The following SMAD3 variants were observed in gnomAD, a reference collection of about 807,000 sequenced individuals.
SMAD3 encodes the protein MAD homolog 3.
Under a neutral mutation model 51.8 loss-of-function variants are expected in SMAD3, and 12 were observed. The observed-to-expected ratio is 0.23, with a 90% CI of 0.15 to 0.38. SMAD3 has a LOEUF of 0.38. Among genes scored for constraint, SMAD3 ranks in the 10% least tolerant of loss-of-function variants. The pLI is 1.00. For synonymous variants in SMAD3, 238 were observed against 227.7 expected (o/e 1.05, Z -0.41); for missense variants, 294 against 565.6 (o/e 0.52, Z 4.87).
intron 1 of SMAD3, among the ~76,000 whole-genome samples, chr15:67,145,248 C>G (rs1027396969): frequency 1.5e-4 from 23 of 152,160 alleles, no homozygotes; most frequent in Admixed American, 1.0e-3. Context: ...GCTCAGCAAG[C>G]AGGAGTGACT....
intron 1 of SMAD3, among the ~76,000 whole-genome samples, chr15:67,148,015 G>A (rs575396749): frequency 6.6e-6 from 1 of 152,180 alleles, no homozygotes; most frequent in African/African-American, 2.4e-5. Flanking sequence ...ATTTTTGTTG[G>A]TAGTCCACAT....
At chr15:67,134,970 C>G (rs1234738720) in intron 1 of SMAD3, among the ~76,000 whole-genome samples, 1 of 152,146 alleles carries the variant, frequency 6.6e-6, no homozygotes, top group Non-Finnish European at 1.5e-5. Context: ...AGCTGGCTGC[C>G]CTTCAGCCCC....
At chr15:67,076,563 TGACC>T (rs1960174412) in intron 1 of SMAD3, among the ~76,000 whole-genome samples, 1 of 152,172 alleles carries the variant, frequency 6.6e-6, no homozygotes, top group Non-Finnish European at 1.5e-5. Context: ...GGCTCTGAAA[TGACC>T]CAGACGTGGT....
At chr15:67,094,806 G>A (rs909288632) in intron 1 of SMAD3, among the ~76,000 whole-genome samples, 21 of 91,382 alleles carry the variant, frequency 2.3e-4, no homozygotes, top group African/African-American at 9.6e-4. Flanking sequence ...GTTCCAGAGC[G>A]TTTGGAGTCA....
rs535174215 is a variant in SMAD3 at position 67,124,618 on chromosome 15, A to G, written c.207-40277A>G. 2.0e-5 allele frequency among the ~76,000 whole-genome samples: 3 copies of G among 152,376 alleles called. No homozygotes were observed. In the South Asian group the frequency reaches 6.2e-4, roughly 32 times the overall value. ...GCAGAATGCCTCATTACCACGTCACACAGCTGACCAAGGCCTCATCTGAGA... is the reference window on the plus strand; with the variant it reads ...GCAGAATGCCTCATTACCACGTCACGCAGCTGACCAAGGCCTCATCTGAGA... On this transcript the variant is annotated intron_variant, in intron 1 of 8. Transcript: ENST00000327367.
intron 1 of SMAD3, among the ~76,000 whole-genome samples, chr15:67,154,018 T>C (rs931698541): frequency 6.6e-6 from 1 of 152,176 alleles, no homozygotes; most frequent in African/African-American, 2.4e-5. Flanking sequence ...AGGCAAGGTG[T>C]TTCTTGGCTT....
At chr15:67,112,553 G>A (rs911849058) in intron 1 of SMAD3, among the ~76,000 whole-genome samples, 2 of 133,548 alleles carry the variant, frequency 1.5e-5, no homozygotes, top group Non-Finnish European at 3.1e-5. Context: ...TACATGGTTT[G>A]CAAATATTTT....
rs996234379 is a variant in SMAD3 at position 67,094,253 on chromosome 15, C to T, written c.206+27893C>T. On this transcript the variant is annotated intron_variant, in intron 1 of 8. Coordinates refer to ENST00000327367, the MANE Select transcript of SMAD3 (RefSeq NM_005902.4). ...GTTCCCCTACGCTTAGGGCTGTGAC[C>T]AGAAGTGGCATCAAGATGGGAGGCG... 3.3e-5 allele frequency among the ~76,000 whole-genome samples: 5 copies of T among 152,156 alleles called. No homozygotes were observed. In the East Asian group the frequency reaches 9.6e-4, roughly 29 times the overall value.
intron 7 of SMAD3, 146 bp from the exon 8 acceptor site, chr15:67,187,219 G>A (rs1396161656): frequency 3.2e-6 from 3 of 928,018 alleles, no homozygotes; most frequent in African/African-American, 3.2e-5. Context: ...AGTGTGGAGT[G>A]TGTGGCAAAT....
Position 67,194,193 on chromosome 15 carries a change from C to T in SMAD3, c.*3657C>T, listed in dbSNP as rs550493563. 34 of 233,462 alleles carry T rather than the reference C, an allele frequency of 1.5e-4. No homozygotes were observed. The South Asian group carries it at 4.9e-3, about 34-fold the overall frequency. 14.5% of individuals were successfully genotyped at this position (233,462 alleles called of 1,614,324 possible). A position where few individuals can be genotyped will look rare whatever the true frequency, so the allele number is the denominator to read the frequency against. On this transcript the variant is annotated 3_prime_UTR_variant, in exon 9 of 9. Transcript: ENST00000327367. ...TTACCAGAACCAAACCTCAACACAG[C>T]GAAGCTGTACTGTCTTTGTGTGGCA...
intron 1 of SMAD3, chr15:67,142,639 G>T: frequency 3.6e-6 from 1 of 279,092 alleles, no homozygotes; most frequent in South Asian, 3.0e-5. Flanking sequence ...TGGACATCTG[G>T]TTTGTTTTGG....
At position 67,164,907 on chromosome 15, in the gene SMAD3, C is replaced by A. The variant is rs868489900; in HGVS notation, c.219C>A (p.Gly73=). The A allele has an allele frequency of 3.1e-6, 5 of 1,612,992 alleles. No individual in the cohort carries two copies. In the South Asian group the frequency reaches 4.4e-5, roughly 14 times the overall value. ...CCCGTCCTGGCAGGTCCCTGGATGG[C>A]CGGTTGCAGGTGTCCCATCGGAAGG... The part of the protein sequence containing the change: ...KCITIPRSLD[G]RLQVSHRKGL... The change falls in exon 2 of 9, where the codon GGC becomes GGA. Residue 73 remains glycine (G), a synonymous_variant. Coordinates refer to ENST00000327367, the MANE Select transcript of SMAD3 (RefSeq NM_005902.4).
At chr15:67,150,353 C>T (rs540116066) in intron 1 of SMAD3, among the ~76,000 whole-genome samples, 1 of 152,300 alleles carries the variant, frequency 6.6e-6, no homozygotes, top group African/African-American at 2.4e-5. Flanking sequence ...CAGGAATGCC[C>T]GCCTGACATT....
At chr15:67,183,785 GT>G (rs1963147211) in intron 6 of SMAD3, among the ~76,000 whole-genome samples, 1 of 152,150 alleles carries the variant, frequency 6.6e-6, no homozygotes, top group South Asian at 2.1e-4. Context: ...AATAATTTCT[GT>G]CCATCTGGAG....
chr15:67,140,746 G>A (rs1961796578), intron 1 of SMAD3, among the ~76,000 whole-genome samples: 1 of 152,214 alleles, frequency 6.6e-6, no homozygotes, highest in Non-Finnish European at 1.5e-5. Context: ...TTTTGATTTG[G>A]AAGGAGTGAC....
At chr15:67,095,504 A>G (rs1465375279) in intron 1 of SMAD3, among the ~76,000 whole-genome samples, 2 of 151,848 alleles carry the variant, frequency 1.3e-5, no homozygotes, top group East Asian at 3.9e-4. Context: ...CATGCTCAGG[A>G]GGGCCCTATG....
intron 3 of SMAD3, 100 bp downstream of exon 3, chr15:67,165,484 CG>C: frequency 7.1e-7 from 1 of 1,401,976 alleles, no homozygotes; most frequent in Non-Finnish European, 9.9e-7. Flanking sequence ...GGCCGTCCCC[CG>C]CTCACCCCCT....
intron 1 of SMAD3, among the ~76,000 whole-genome samples, chr15:67,099,750 C>T (rs1960706968): frequency 6.6e-6 from 1 of 152,242 alleles, no homozygotes; most frequent in Non-Finnish European, 1.5e-5. Flanking sequence ...ACTGATTGCA[C>T]ACCACGTGCC....
intron 1 of SMAD3, among the ~76,000 whole-genome samples, chr15:67,135,578 T>G (rs1023841894): frequency 1.3e-5 from 2 of 152,128 alleles, no homozygotes; most frequent in Non-Finnish European, 2.9e-5. Context: ...TTTTCTTCCC[T>G]GTAATAACAA....
Sources: allele counts gnomAD v4.1 joint callset (sites outside exome capture counted in the v4.1 genomes callset), GRCh38; gene constraint gnomAD v4.1.1; transcripts MANE v1.5; gene names NCBI Gene and HGNC (gene_info 2026-07-23, HGNC 2026-07-21).